The following CYP39A1 variants were observed in gnomAD, a reference collection of about 807,000 sequenced individuals.
CYP39A1 encodes the protein cytochrome P450 family 39 subfamily A member 1.
In CYP39A1, 49 loss-of-function variants were observed where a neutral mutation model predicts 58.1. The ratio of observed to expected loss-of-function variants is 0.84; its 90% CI spans 0.67 to 1.07. The LOEUF (loss-of-function observed/expected upper bound fraction) is 1.07. CYP39A1 is among the 50% of genes least tolerant of loss of function. CYP39A1 has a pLI of 0.00. For missense variants in CYP39A1, 531 were observed against 539.4 expected (o/e 0.98, Z 0.16); for synonymous variants, 209 against 187.6 (o/e 1.11, Z -0.93).
At chr6:46,577,194 A>G (rs1200001450) in intron 10 of CYP39A1, among the ~76,000 whole-genome samples, 1 of 152,222 alleles carries the variant, frequency 6.6e-6, no homozygotes, top group East Asian at 1.9e-4. Context: ...TTCATAAGCA[A>G]AGGAGAAATA....
chr6:46,646,459 A>G (rs773386933), intron 1 of CYP39A1, among the ~76,000 whole-genome samples: 1 of 152,104 alleles, frequency 6.6e-6, no homozygotes, highest in Non-Finnish European at 1.5e-5. Flanking sequence ...ATACTGATAA[A>G]TTTTATTTGC....
At position 46,550,224 on chromosome 6, in the gene CYP39A1, T is replaced by TG. The variant is rs768974279; in HGVS notation, c.*141dup. ...TCTACTGTTGAAGATACCAAACACATGCACCATTTGAATGTGTTCTTGAAC... is the reference window on the plus strand; with the variant it reads ...TCTACTGTTGAAGATACCAAACACATGGCACCATTTGAATGTGTTCTTGAAC... On this transcript the variant is annotated 3_prime_UTR_variant, in exon 12 of 12. Coordinates refer to ENST00000275016, the MANE Select transcript of CYP39A1 (RefSeq NM_016593.5). The TG allele has an allele frequency of 3.5e-6, 2 of 564,496 alleles. No homozygotes were observed. The highest frequency in any genetic ancestry group is 6.3e-6 in the Non-Finnish European group (2 of 319,428). 35.0% of individuals were successfully genotyped at this position (564,496 alleles called of 1,614,324 possible). A position where few individuals can be genotyped will look rare whatever the true frequency, so the allele number is the denominator to read the frequency against.
chr6:46,618,228 A>G (rs1222964192), intron 7 of CYP39A1, among the ~76,000 whole-genome samples: 2 of 152,098 alleles, frequency 1.3e-5, no homozygotes, highest in Non-Finnish European at 2.9e-5. Flanking sequence ...TCACGAGATG[A>G]GGATTATTAT....
rs777992353 is a variant in CYP39A1, at chr6:46,639,526, A to C, written c.456T>G (p.Thr152=). Residue 152 remains threonine, a synonymous_variant, in exon 3 of 12, where the codon ACT becomes ACG. Transcript: ENST00000275016. ...AGTTGTTCAGGTCCATTGTCCCATGAGTGCCTAAATTCTCCAGTTGTTCAT... is the reference window on the plus strand; with the variant it reads ...AGTTGTTCAGGTCCATTGTCCCATGCGTGCCTAAATTCTCCAGTTGTTCAT... ...ELHEQLENLG[T]HGTMDLNNLV... is the part of the protein sequence containing the mutation. 3 of 1,614,134 alleles carry C rather than the reference A, an allele frequency of 1.9e-6. No individual in the cohort carries two copies. Among genetic ancestry groups the C allele is most frequent in the Non-Finnish European group, 2.5e-6 (3 of 1,180,012 alleles).
chr6:46,619,534 A>G (rs1209194116), intron 7 of CYP39A1, among the ~76,000 whole-genome samples: 1 of 152,048 alleles, frequency 6.6e-6, no homozygotes, highest in Non-Finnish European at 1.5e-5. Flanking sequence ...CCAAGGGCAG[A>G]GTTGGGGAAA....
At position 46,617,005 on chromosome 6, in the gene CYP39A1, C is replaced by T. The variant is rs527709013; in HGVS notation, c.931+8413G>A. ...AGGTAATTAGGGGGGTTGGGATCTA[C>T]ATGTCCAGGTGGCCTTGGTCAGAAG... is the stretch of plus-strand genomic sequence containing the variant. On this transcript the variant is annotated intron_variant, in intron 7 of 11. Transcript: ENST00000275016. Among the ~76,000 whole-genome samples the T allele has an allele frequency of 9.9e-5, 15 of 152,160 alleles. No individual in the cohort carries two copies. The South Asian group carries it at 2.9e-3, about 30-fold the overall frequency.
intron 1 of CYP39A1, among the ~76,000 whole-genome samples, chr6:46,651,225 T>C (rs1762665163): frequency 6.6e-6 from 1 of 152,166 alleles, no homozygotes; most frequent in South Asian, 2.1e-4. Context: ...ACACAATCAA[T>C]ACATGCACAC....
intron 1 of CYP39A1, among the ~76,000 whole-genome samples, chr6:46,643,036 A>G (rs1356513273): frequency 6.6e-6 from 1 of 152,064 alleles, no homozygotes; most frequent in East Asian, 1.9e-4. Flanking sequence ...TCTCTTCTAC[A>G]TTTATGACTC....
At chr6:46,590,585 A>G (rs1049468857) in intron 8 of CYP39A1, among the ~76,000 whole-genome samples, 1 of 152,186 alleles carries the variant, frequency 6.6e-6, no homozygotes, top group African/African-American at 2.4e-5. Context: ...ATTAAAGAGT[A>G]TATTCTTTTG....
Position 46,616,113 on chromosome 6 carries a change from C to CTCTT in CYP39A1, c.931+9301_931+9304dup, listed in dbSNP as rs1454176814. Among the ~76,000 whole-genome samples, 287 of 109,752 alleles carry CTCTT rather than the reference C, an allele frequency of 2.6e-3. 25 individuals are homozygous for CTCTT. Among genetic ancestry groups the CTCTT allele is most frequent in the African/African-American group, 8.4e-3 (227 of 27,008 alleles). The allele number at this position is 109,752 out of a possible 152,430, so 72.0% of individuals were successfully genotyped here. A position where few individuals can be genotyped will look rare whatever the true frequency, so the allele number is the denominator to read the frequency against. On this transcript the variant is annotated intron_variant, in intron 7 of 11. Coordinates refer to ENST00000275016, the MANE Select transcript of CYP39A1 (RefSeq NM_016593.5). ...CCTCCCTTCTTTCCTTTCTTTCTTTCTCTTTCTTTTCTTTCTTTCTTTCTT... is the reference window on the plus strand; with the variant it reads ...CCTCCCTTCTTTCCTTTCTTTCTTTCTCTTTCTTTCTTTTCTTTCTTTCTTTCTT...
intron 7 of CYP39A1, among the ~76,000 whole-genome samples, chr6:46,611,111 C>T (rs1019886801): frequency 1.3e-5 from 2 of 152,212 alleles, no homozygotes; most frequent in African/African-American, 4.8e-5. Flanking sequence ...TACTCTCCTC[C>T]TCCAGCCACC....
chr6:46,589,645 G>A (rs1267171982), intron 8 of CYP39A1, among the ~76,000 whole-genome samples: 1 of 151,982 alleles, frequency 6.6e-6, no homozygotes, highest in Non-Finnish European at 1.5e-5. Context: ...TGAAGCTTTT[G>A]CAGGTACCTT....
At chr6:46,630,002 A>T (rs1423972037) in intron 6 of CYP39A1, among the ~76,000 whole-genome samples, 2 of 151,942 alleles carry the variant, frequency 1.3e-5, no homozygotes, top group Non-Finnish European at 2.9e-5. Flanking sequence ...AGGCTGAGGC[A>T]GGGGAATCGC....
intron 7 of CYP39A1, among the ~76,000 whole-genome samples, chr6:46,605,942 C>T (rs778138662): frequency 1.8e-4 from 27 of 151,992 alleles, no homozygotes; most frequent in Non-Finnish European, 1.5e-5. Flanking sequence ...TATAGGATGC[C>T]GAAAAGAAGT....
intron 11 of CYP39A1, among the ~76,000 whole-genome samples, chr6:46,553,347 T>G (rs539264193): frequency 1.3e-5 from 2 of 152,330 alleles, no homozygotes; most frequent in South Asian, 4.1e-4. Context: ...CTAGGTTAGT[T>G]TTTTTCCATG....
intron 6 of CYP39A1, among the ~76,000 whole-genome samples, chr6:46,626,742 C>T (rs1024386949): frequency 6.6e-6 from 1 of 152,138 alleles, no homozygotes; most frequent in African/African-American, 2.4e-5. Context: ...GAAACAGATG[C>T]TCAGAGAACT....
chr6:46,610,208 T>C (rs1238887555), intron 7 of CYP39A1, among the ~76,000 whole-genome samples: 1 of 152,228 alleles, frequency 6.6e-6, no homozygotes, highest in East Asian at 1.9e-4. Context: ...TGGTAAAAGA[T>C]ACACAAGGGT....
intron 8 of CYP39A1, 111 bp from the exon 9 acceptor site, chr6:46,588,240 T>G (rs1772597966): frequency 2.6e-6 from 1 of 384,220 alleles, no homozygotes; most frequent in Admixed American, 4.5e-5. Context: ...ATACCTTTTA[T>G]AATTGAATGT....
At chr6:46,616,337 A>T (rs1774605556) in intron 7 of CYP39A1, among the ~76,000 whole-genome samples, 2 of 148,434 alleles carry the variant, frequency 1.3e-5, no homozygotes. Context: ...AGCTCACTGC[A>T]ACTTTGAATT....
Sources: allele counts gnomAD v4.1 joint callset (sites outside exome capture counted in the v4.1 genomes callset), GRCh38; gene constraint gnomAD v4.1.1; transcripts MANE v1.5; gene names NCBI Gene and HGNC (gene_info 2026-07-23, HGNC 2026-07-21).